Variants in LRP1B observed in about 807,000 individuals in gnomAD.
LRP1B encodes the protein LDL receptor related protein 1B.
In LRP1B, 217 loss-of-function variants were observed where a neutral mutation model predicts 556.6. The observed-to-expected ratio is 0.39, with a 90% CI of 0.35 to 0.44. The LOEUF is 0.44. Ranked by LOEUF, LRP1B falls within the 20% of genes least tolerant of loss-of-function variation. The probability of loss-of-function intolerance (pLI) is 1.00; values close to 1 mark genes in which losing one functional copy is unlikely to be tolerated. For synonymous variants in LRP1B, 2,047 were observed against 1,865.8 expected (o/e 1.10, Z -2.50); for missense variants, 5,053 against 5,620.8 (o/e 0.90, Z 3.23).
chr2:140,513,241 G>T (rs1027834050), intron 51 of LRP1B, among the ~76,000 whole-genome samples: 3 of 152,040 alleles, frequency 2.0e-5, no homozygotes, highest in Admixed American at 2.0e-4. Flanking sequence ...TGATCACACA[G>T]CTTGAAAATG....
chr2:140,723,821 C>T (rs1487306881), intron 35 of LRP1B, among the ~76,000 whole-genome samples: 3 of 152,096 alleles, frequency 2.0e-5, no homozygotes, highest in Non-Finnish European at 2.9e-5. Context: ...GTTGGTGAGG[C>T]TACTAATATT....
In LRP1B at chr2:141,391,275, T is replaced by C. The variant is rs114728266; in HGVS notation, c.343+89121A>G. 4.3e-3 allele frequency among the ~76,000 whole-genome samples: 655 copies of C among 152,284 alleles called. 7 individuals are homozygous for C. The highest frequency in any genetic ancestry group is 7.8e-3 in the Non-Finnish European group (532 of 68,034). On this transcript the variant is annotated intron_variant, in intron 3 of 90. Coordinates refer to ENST00000389484, the MANE Select transcript of LRP1B (RefSeq NM_018557.3). ...AGTACCTTCTACAGTGCCTTACTTATAGCCGGTGTTGAATAAATATTGGTT... is the reference window on the plus strand; with the variant it reads ...AGTACCTTCTACAGTGCCTTACTTACAGCCGGTGTTGAATAAATATTGGTT...
At chr2:141,232,521 C>T (rs564226673) in intron 5 of LRP1B, among the ~76,000 whole-genome samples, 6 of 152,114 alleles carry the variant, frequency 3.9e-5, no homozygotes, top group Admixed American at 1.3e-4. Context: ...TATAAAGGAG[C>T]GCTGAGATTC....
chr2:140,613,294 T>TATATATAAAATTATATATAATTATATAA (rs1171412298), intron 41 of LRP1B, among the ~76,000 whole-genome samples: 134 of 143,206 alleles, frequency 9.4e-4, no homozygotes, highest in African/African-American at 2.8e-3. Context: ...TGATATTTTA[T>TATATATAAAATTATATATAATTATATAA]ATATATAAAA....
intron 1 of LRP1B, among the ~76,000 whole-genome samples, chr2:141,993,271 C>A (rs1177517670): frequency 1.3e-5 from 2 of 152,092 alleles, no homozygotes; most frequent in Non-Finnish European, 2.9e-5. Context: ...TAGGAGCCCC[C>A]TTGCCTCAAG....
intron 1 of LRP1B, among the ~76,000 whole-genome samples, chr2:141,863,427 T>C (rs1033946646): frequency 6.6e-6 from 1 of 152,214 alleles, no homozygotes; most frequent in African/African-American, 2.4e-5. Flanking sequence ...GGAAATTCTT[T>C]ACCTAGAGTA....
intron 2 of LRP1B, among the ~76,000 whole-genome samples, chr2:141,591,124 T>C (rs1226246548): frequency 6.6e-6 from 1 of 152,216 alleles, no homozygotes; most frequent in Non-Finnish European, 1.5e-5. Context: ...CGAATTAACC[T>C]GAGGCAGCTC....
chr2:141,336,114 CAAAAA>C (rs60102985), intron 3 of LRP1B, among the ~76,000 whole-genome samples: 118 of 93,030 alleles, frequency 1.3e-3, no homozygotes, highest in African/African-American at 4.9e-3. Flanking sequence ...CAGACCTGTC[CAAAAA>C]AAAAAAAAAA....
intron 3 of LRP1B, among the ~76,000 whole-genome samples, chr2:141,335,986 CTTCT>C (rs1425452478): frequency 6.6e-6 from 1 of 151,714 alleles, no homozygotes; most frequent in Non-Finnish European, 1.5e-5. Flanking sequence ...TCCTTTGTGA[CTTCT>C]TTGTCTGGGA....
intron 2 of LRP1B, among the ~76,000 whole-genome samples, chr2:141,547,919 A>G (rs1397325412): frequency 6.6e-6 from 1 of 151,566 alleles, no homozygotes; most frequent in Non-Finnish European, 1.5e-5. Flanking sequence ...ATCGGTATGT[A>G]TGAGGAACTG....
rs1315191352 is a variant in LRP1B, at chr2:140,601,537, G to A, written c.6902C>T (p.Thr2301Ile). The change falls in exon 42 of 91, where the codon ACT becomes ATT. Residue 2301 changes from threonine to isoleucine, a missense_variant. Thr to Ile is a moderately conservative substitution (Grantham distance 89). Coordinates refer to ENST00000389484, the MANE Select transcript of LRP1B (RefSeq NM_018557.3). ...SSITRHTVDQ[T>I]RPGAFDREAV... ...TTCCCTGTCAAATGCTCCAGGCCGA[G>A]TCTGGTCCACAGTGTGTCTGGTGAT... is the stretch of plus-strand genomic sequence containing the variant. 1 of 1,613,290 alleles carries A rather than the reference G, an allele frequency of 6.2e-7. No homozygotes were observed. Among genetic ancestry groups the A allele is most frequent in the South Asian group, 1.1e-5 (1 of 91,052 alleles).
intron 2 of LRP1B, among the ~76,000 whole-genome samples, chr2:141,646,954 G>A (rs1342533231): frequency 2.0e-5 from 3 of 152,130 alleles, no homozygotes; most frequent in Non-Finnish European, 4.4e-5. Flanking sequence ...GAAGAGCAAT[G>A]AGGATTCTGA....
chr2:141,546,085 C>T (rs561158274), intron 2 of LRP1B, among the ~76,000 whole-genome samples: 1 of 152,126 alleles, frequency 6.6e-6, no homozygotes, highest in Non-Finnish European at 1.5e-5. Context: ...ACCACTCCAG[C>T]CCCCAAACCT....
chr2:141,083,298 C>T (rs1033008598), intron 7 of LRP1B, among the ~76,000 whole-genome samples: 3 of 149,556 alleles, frequency 2.0e-5, no homozygotes, highest in Non-Finnish European at 4.4e-5. Flanking sequence ...ATGGAGAAGG[C>T]ATAAAAATGT....
intron 49 of LRP1B, among the ~76,000 whole-genome samples, chr2:140,518,859 A>G (rs1690031183): frequency 6.6e-6 from 1 of 152,194 alleles, no homozygotes; most frequent in Non-Finnish European, 1.5e-5. Context: ...CTAAATATAC[A>G]ATCACGTCAT....
intron 31 of LRP1B, among the ~76,000 whole-genome samples, chr2:140,831,904 G>A (rs1162263710): frequency 6.6e-6 from 1 of 152,062 alleles, no homozygotes; most frequent in African/African-American, 2.4e-5. Flanking sequence ...TTGGCCAACA[G>A]ATATATGAAA....
intron 69 of LRP1B, 85 bp downstream of exon 69, chr2:140,372,923 A>T (rs2105170580): frequency 7.1e-7 from 1 of 1,412,960 alleles, no homozygotes; most frequent in Non-Finnish European, 9.9e-7. Flanking sequence ...CATATTTGCC[A>T]CTGTTTTCTG....
intron 2 of LRP1B, among the ~76,000 whole-genome samples, chr2:141,712,994 C>T (rs1364082171): frequency 6.6e-6 from 1 of 151,578 alleles, no homozygotes; most frequent in Non-Finnish European, 1.5e-5. Context: ...TATATATCTT[C>T]AAGTATACAA....
At position 142,084,083 on chromosome 2, in the gene LRP1B, G is replaced by A. The variant is rs142299827; in HGVS notation, c.82+46565C>T. ...CAACCTCCGCCTCCTGGATTCAAGC[G>A]ATTCTTGTGCCTCAGCCTCCCAAGT... On this transcript the variant is annotated intron_variant, in intron 1 of 90. Transcript: ENST00000389484. 6.2e-3 allele frequency among the ~76,000 whole-genome samples: 940 copies of A among 151,646 alleles called. 10 individuals carry two copies. The highest frequency in any genetic ancestry group is 0.021 in the African/African-American group (863 of 41,370).
Sources: allele counts gnomAD v4.1 joint callset (sites outside exome capture counted in the v4.1 genomes callset), GRCh38; gene constraint gnomAD v4.1.1; transcripts MANE v1.5; gene names NCBI Gene and HGNC (gene_info 2026-07-23, HGNC 2026-07-21).